Variants in CNTNAP2 observed in about 807,000 individuals in gnomAD.
CNTNAP2 encodes the protein contactin-associated protein-like 2.
A neutral mutation model predicts 155.2 loss-of-function variants in CNTNAP2; 98 were observed. The ratio of observed to expected loss-of-function variants is 0.63; its 90% confidence interval spans 0.54 to 0.75. The LOEUF (loss-of-function observed/expected upper bound fraction) is 0.75. Ranked by LOEUF, CNTNAP2 falls within the 30% of genes least tolerant of loss-of-function variation. The pLI is 0.00. For synonymous variants in CNTNAP2, 651 were observed against 631.2 expected, an observed-to-expected ratio of 1.03 and a Z score of -0.47; for missense variants, 1,727 against 1,688.1, an observed-to-expected ratio of 1.02 and a Z score of -0.40.
chr7:147,525,925 G>A (rs530264419), intron 11 of CNTNAP2, among the ~76,000 whole-genome samples: 2 of 152,256 alleles, frequency 1.3e-5, no homozygotes, highest in Admixed American at 1.3e-4. Flanking sequence ...GGGTGCAGTG[G>A]CTCACATCTG....
At chr7:147,392,589 T>A (rs762571748) in intron 9 of CNTNAP2, among the ~76,000 whole-genome samples, 8 of 152,118 alleles carry the variant, frequency 5.3e-5, no homozygotes, top group Non-Finnish European at 1.2e-4. Flanking sequence ...CTCCCACTTA[T>A]GAGTGAGAAC....
intron 9 of CNTNAP2, among the ~76,000 whole-genome samples, chr7:147,348,158 G>A (rs557236961): frequency 6.6e-6 from 1 of 151,766 alleles, no homozygotes; most frequent in African/African-American, 2.4e-5. Flanking sequence ...GATAAATAAG[G>A]AAAATGAGAT....
intron 2 of CNTNAP2, among the ~76,000 whole-genome samples, chr7:146,786,717 C>G (rs891240991): frequency 6.6e-6 from 1 of 152,180 alleles, no homozygotes; most frequent in South Asian, 2.1e-4. Flanking sequence ...CAGGTTTTCA[C>G]CCAAAGGTCA....
intron 1 of CNTNAP2, among the ~76,000 whole-genome samples, chr7:146,563,876 T>C (rs1798317814): frequency 6.6e-6 from 1 of 152,072 alleles, no homozygotes. Flanking sequence ...TGGAACATTG[T>C]CTCCCTAATT....
In CNTNAP2 at chr7:146,494,069, C is replaced by T. The variant is rs1797177428; in HGVS notation, c.98-280202C>T. ...AAAATGCAGGCCGGAAACAGTGGCT[C>T]ACGCCTGTAATGCCAGTACTTTTGG... On this transcript the variant is annotated intron_variant, in intron 1 of 23. Transcript: ENST00000361727. Among the ~76,000 whole-genome samples the T allele has an allele frequency of 3.3e-5, 5 of 152,284 alleles. No homozygotes were observed. In the South Asian group the frequency reaches 8.3e-4, roughly 25 times the overall value.
chr7:147,168,446 C>G (rs1802164833), intron 8 of CNTNAP2, among the ~76,000 whole-genome samples: 2 of 151,872 alleles, frequency 1.3e-5, no homozygotes, highest in Non-Finnish European at 1.5e-5. Context: ...TTACTAATTG[C>G]CTACTTTTTT....
chr7:147,660,514 G>A (rs1426463399), intron 13 of CNTNAP2, among the ~76,000 whole-genome samples: 1 of 152,142 alleles, frequency 6.6e-6, no homozygotes, highest in Non-Finnish European at 1.5e-5. Context: ...CATTGGATTT[G>A]TTTTCTAACT....
intron 2 of CNTNAP2, among the ~76,000 whole-genome samples, chr7:146,825,803 G>A (rs146308209): frequency 5.9e-5 from 9 of 152,144 alleles, no homozygotes; most frequent in African/African-American, 2.2e-4. Flanking sequence ...TGTATAGACA[G>A]TACATTTTCC....
At chr7:146,637,344 A>AT (rs1046837667) in intron 1 of CNTNAP2, among the ~76,000 whole-genome samples, 7 of 152,340 alleles carry the variant, frequency 4.6e-5, no homozygotes, top group Admixed American at 1.3e-4. Context: ...TTAAGTTTGC[A>AT]TTTTATACAT....
intron 1 of CNTNAP2, among the ~76,000 whole-genome samples, chr7:146,284,469 C>T (rs1800296977): frequency 6.6e-6 from 1 of 152,046 alleles, no homozygotes; most frequent in African/African-American, 2.4e-5. Flanking sequence ...TACAACTTGT[C>T]CATGGGCGTA....
intron 1 of CNTNAP2, among the ~76,000 whole-genome samples, chr7:146,239,505 C>T (rs1447858255): frequency 6.6e-6 from 1 of 152,126 alleles, no homozygotes; most frequent in Non-Finnish European, 1.5e-5. Context: ...GATAGGATAA[C>T]CTGGAGAATC....
chr7:147,323,698 T>A (rs999773888), intron 9 of CNTNAP2, among the ~76,000 whole-genome samples: 1 of 152,224 alleles, frequency 6.6e-6, no homozygotes, highest in Non-Finnish European at 1.5e-5. Flanking sequence ...AAAATTCATT[T>A]AAAGGAGTTC....
chr7:146,285,982 G>C (rs1485246213), intron 1 of CNTNAP2, among the ~76,000 whole-genome samples: 2 of 63,206 alleles, frequency 3.2e-5, no homozygotes, highest in African/African-American at 1.7e-4. Context: ...CCTTCTCTGT[G>C]TGTGTGTGTG....
intron 14 of CNTNAP2, among the ~76,000 whole-genome samples, chr7:147,927,875 G>C (rs1365510184): frequency 1.3e-5 from 2 of 152,120 alleles, no homozygotes; most frequent in Non-Finnish European, 2.9e-5. Context: ...AGAGTCCCAG[G>C]ACTACCTACC....
chr7:146,659,575 T>C (rs1320069999), intron 1 of CNTNAP2, among the ~76,000 whole-genome samples: 1 of 152,182 alleles, frequency 6.6e-6, no homozygotes, highest in African/African-American at 2.4e-5. Flanking sequence ...GCAGCTAATG[T>C]TCCTTAAAAA....
chr7:147,973,416 CT>C (rs144916803), intron 14 of CNTNAP2, among the ~76,000 whole-genome samples: 132 of 152,208 alleles, frequency 8.7e-4, no homozygotes, highest in African/African-American at 2.9e-3. Flanking sequence ...AATTCTTTCC[CT>C]CTTTTGTTGA....
At chr7:146,131,317 C>T (rs1267686514) in intron 1 of CNTNAP2, among the ~76,000 whole-genome samples, 2 of 152,138 alleles carry the variant, frequency 1.3e-5, no homozygotes, top group African/African-American at 4.8e-5. Context: ...TCTCATTTAA[C>T]TTATTTTTCA....
intron 21 of CNTNAP2, among the ~76,000 whole-genome samples, chr7:148,345,839 T>A (rs1309890341): frequency 6.6e-6 from 1 of 152,216 alleles, no homozygotes; most frequent in Non-Finnish European, 1.5e-5. Flanking sequence ...TTTTATTTGT[T>A]CTGACTGATT....
At chr7:146,447,739 G>C (rs1194209002) in intron 1 of CNTNAP2, among the ~76,000 whole-genome samples, 1 of 151,796 alleles carries the variant, frequency 6.6e-6, no homozygotes, top group Non-Finnish European at 1.5e-5. Context: ...AGTTTCAAAG[G>C]CCAAGCAGAA....
Sources: allele counts gnomAD v4.1 joint callset (sites outside exome capture counted in the v4.1 genomes callset), GRCh38; gene constraint gnomAD v4.1.1; transcripts MANE v1.5; gene names NCBI Gene and HGNC (gene_info 2026-07-23, HGNC 2026-07-21).